The following HELT variants were observed in gnomAD, a reference collection of about 807,000 sequenced individuals.
HELT encodes helt bHLH transcription factor, also known as hairy and enhancer of split-related protein HELT.
Under a neutral mutation model 19.5 loss-of-function variants are expected in HELT, and 9 were observed. The ratio of observed to expected loss-of-function variants is 0.46; its 90% CI spans 0.28 to 0.80. The LOEUF (loss-of-function observed/expected upper bound fraction) is 0.80, where lower values mean the gene tolerates loss of function less well. HELT is among the 30% of genes least tolerant of loss of function. HELT has a pLI of 0.12. For synonymous variants in HELT, 162 were observed against 148.3 expected, an observed-to-expected ratio of 1.09 and a Z score of -0.67; for missense variants, 366 against 326.3, an observed-to-expected ratio of 1.12 and a Z score of -0.94.
At chr4:185,020,021 G>A (rs1459178213) in intron 3 of HELT, among the ~76,000 whole-genome samples, 178 bp downstream of exon 3, 1 of 149,928 alleles carries the variant, frequency 6.7e-6, no homozygotes, top group East Asian at 2.0e-4. Context: ...AGGCGGCGAG[G>A]GAGAACTGGT....
chr4:185,019,294 G>C (rs1733985926), intron 1 of HELT, 93 bp from the exon 2 acceptor site: 1 of 1,192,868 alleles, frequency 8.4e-7, no homozygotes, highest in Non-Finnish European at 1.2e-6. Context: ...AGTGTGCGCG[G>C]CTGGAGAGGC....
Position 185,019,440 on chromosome 4 carries a change from C to G in HELT, c.81C>G (p.Asn27Lys). ...AAAAGCGGAGGAGGGACAGGATCAA[C>G]CGCTGCTTGAACGAGCTGGGCAAGA... ...VIEKRRRDRI[N>K]RCLNELGKTV... Residue 27 changes from asparagine to lysine, a missense_variant, in exon 2 of 4, where the codon AAC (asparagine) becomes AAG (lysine). Transcript: ENST00000515777. 1 of 1,613,340 alleles carries G rather than the reference C, an allele frequency of 6.2e-7. No homozygotes were observed. Among genetic ancestry groups the G allele is most frequent in the South Asian group, 1.1e-5 (1 of 90,918 alleles).
At chr4:185,019,318 C>A in intron 1 of HELT, 69 bp from the exon 2 acceptor site, 2 of 1,347,070 alleles carry the variant, frequency 1.5e-6, no homozygotes, top group Non-Finnish European at 2.1e-6. Context: ...TTGCACCCAG[C>A]TGCTAGAGCC....
intron 3 of HELT, 136 bp from the exon 4 acceptor site, chr4:185,020,137 G>T (rs1734024899): frequency 4.6e-6 from 6 of 1,292,806 alleles, no homozygotes; most frequent in Non-Finnish European, 6.5e-6. Flanking sequence ...CTAAGACTGC[G>T]CAGAGGAGAG....
At chr4:185,020,217 C>T (rs1734029463) in intron 3 of HELT, 56 bp from the exon 4 acceptor site, 3 of 1,575,352 alleles carry the variant, frequency 1.9e-6, no homozygotes, top group African/African-American at 1.3e-5. Flanking sequence ...TTTGGGCTCG[C>T]GTGGGGAAGG....
rs1239961567 is a variant in HELT, at chr4:185,019,446, C to T, written c.87C>T (p.Cys29=). 6.2e-7 allele frequency: 1 copy of T among 1,613,068 alleles called. No individual in the cohort carries two copies. The highest frequency in any genetic ancestry group is 2.2e-5 in the East Asian group (1 of 44,832). Residue 29 remains cysteine, a synonymous_variant, in exon 2 of 4, where the codon TGC becomes TGT. Transcript: ENST00000515777. ...GGAGGAGGGACAGGATCAACCGCTG[C>T]TTGAACGAGCTGGGCAAGACAGTGC... The part of the protein sequence containing the change: ...EKRRRDRINR[C]LNELGKTVPM...
intron 3 of HELT, 40 bp from the exon 4 acceptor site, chr4:185,020,233 T>G: frequency 3.1e-6 from 5 of 1,591,190 alleles, no homozygotes; most frequent in South Asian, 1.1e-5. Context: ...GAAGGGGCAC[T>G]CAGGGTGTGT....
Position 185,020,761 on chromosome 4 carries a change from C to T in HELT, c.718C>T (p.Pro240Ser), listed in dbSNP as rs1734057053. Residue 240 changes from proline (P) to serine (S), a missense_variant, in exon 4 of 4, where the codon CCG (proline) becomes TCG (serine). Physicochemically the swap from Pro to Ser is moderately conservative, Grantham distance 74. Transcript: ENST00000515777. ...ALNLHTPQHP[P>S]VL is the part of the protein sequence containing the mutation. ...TAACCTGCACACGCCCCAGCACCCC[C>T]CGGTGCTCTGACGCCCACTCGCCCG... 1.3e-6 allele frequency: 2 copies of T among 1,528,298 alleles called. No homozygotes were observed. The highest frequency in any genetic ancestry group is 1.4e-5 in the African/African-American group (1 of 71,248). 94.7% of individuals were successfully genotyped at this position (1,528,298 alleles called of 1,614,324 possible).
At position 185,020,952 on chromosome 4, in the gene HELT, A is replaced by C; in HGVS notation, c.*180A>C. 1.3e-6 allele frequency: 1 copy of C among 761,476 alleles called. No individual in the cohort carries two copies. Among genetic ancestry groups the C allele is most frequent in the Non-Finnish European group, 1.9e-6 (1 of 525,548 alleles). 47.2% of individuals were successfully genotyped at this position (761,476 alleles called of 1,614,324 possible). A position where few individuals can be genotyped will look rare whatever the true frequency, so the allele number is the denominator to read the frequency against. The stretch of plus-strand genomic sequence containing the variant: ...ATAAACGTTTTCTGATAAAGACCCA[A>C]AGAGAGGGATTTATGTATTACCTTC... On this transcript the variant is annotated 3_prime_UTR_variant, in exon 4 of 4. Coordinates refer to ENST00000515777, the MANE Select transcript of HELT (RefSeq NM_001300781.2).
rs376623238 is a variant in HELT, at chr4:185,020,620, A to G, written c.577A>G (p.Ser193Gly). The change falls in exon 4 of 4, where the codon AGC (serine) becomes GGC (glycine). Residue 193 changes from serine to glycine, a missense_variant. By Grantham distance (56) the Ser-to-Gly change is moderately conservative. Coordinates refer to ENST00000515777, the MANE Select transcript of HELT (RefSeq NM_001300781.2). Reference protein sequence around the residue: ...ARSPALPYLPSAPVPLASPAQ... With the variant: ...ARSPALPYLPGAPVPLASPAQ... Reference sequence around the variant, plus strand: ...CAGCCCCGCGCTGCCCTACCTGCCCAGCGCGCCAGTGCCGCTCGCTAGCCC... The same window carrying G: ...CAGCCCCGCGCTGCCCTACCTGCCCGGCGCGCCAGTGCCGCTCGCTAGCCC... 1.9e-6 allele frequency: 3 copies of G among 1,601,652 alleles called. No individual in the cohort carries two copies. The African/African-American group carries it at 4.0e-5, about 21-fold the overall frequency.
rs1413389708 is a variant in HELT, at chr4:185,018,840, T to G, written c.-89T>G. The G allele has an allele frequency of 7.2e-7, 1 of 1,393,376 alleles. No homozygotes were observed. Among genetic ancestry groups the G allele is most frequent in the Non-Finnish European group, 9.8e-7 (1 of 1,024,376 alleles). 86.3% of individuals were successfully genotyped at this position (1,393,376 alleles called of 1,614,324 possible). ...CCCTCGGAGTTGGGAGGCTGCAGTC[T>G]ACCTGGGACACTCGAGGAGGCACAC... is the stretch of plus-strand genomic sequence containing the variant. On this transcript the variant is annotated 5_prime_UTR_variant, in exon 1 of 4. Transcript: ENST00000515777.
At position 185,019,952 on chromosome 4, in the gene HELT, T is replaced by C. The variant is rs1276307840; in HGVS notation, c.229+109T>C. ...GTGTTCCCGAGAGCTCTACTAGAGCTCCACTCTCCAGGAGGGCAGGGGTCC... is the reference window on the plus strand; with the variant it reads ...GTGTTCCCGAGAGCTCTACTAGAGCCCCACTCTCCAGGAGGGCAGGGGTCC... On this transcript the variant is annotated intron_variant, in intron 3 of 3. Coordinates refer to ENST00000515777, the MANE Select transcript of HELT (RefSeq NM_001300781.2). 1.9e-5 allele frequency: 20 copies of C among 1,036,754 alleles called. No homozygotes were observed. The Admixed American group carries it at 3.2e-4, about 17-fold the overall frequency. The allele number at this position is 1,036,754 out of a possible 1,614,324, so 64.2% of individuals were successfully genotyped here. A position where few individuals can be genotyped will look rare whatever the true frequency, so the allele number is the denominator to read the frequency against.
rs776403096 is a variant in HELT, at chr4:185,020,651, A to C, written c.608A>C (p.Gln203Pro). The change falls in exon 4 of 4, where the codon CAG becomes CCG. Residue 203 changes from glutamine to proline, a missense_variant. By Grantham distance (76) the Gln-to-Pro change is moderately conservative. Coordinates refer to ENST00000515777, the MANE Select transcript of HELT (RefSeq NM_001300781.2). ...CCAGTGCCGCTCGCTAGCCCAGCGC[A>C]GCAGCACAGCCCCTTCCTGACACCG... ...SAPVPLASPA[Q>P]QHSPFLTPVQ... 2 of 1,604,380 alleles carry C rather than the reference A, an allele frequency of 1.2e-6. No homozygotes were observed. Among genetic ancestry groups the C allele is most frequent in the African/African-American group, 1.3e-5 (1 of 74,842 alleles).
intron 1 of HELT, chr4:185,019,166 C>T: frequency 2.0e-6 from 3 of 1,499,348 alleles, no homozygotes; most frequent in Non-Finnish European, 2.7e-6. Flanking sequence ...CGGCCACCTC[C>T]CCAAAGGCCT....
Position 185,020,702 on chromosome 4 carries a change from T to C in HELT, c.659T>C (p.Leu220Pro). The change falls in exon 4 of 4, where the codon CTC (leucine) becomes CCC (proline). Residue 220 changes from leucine (L) to proline (P), a missense_variant. Leu to Pro is a moderately conservative substitution (Grantham distance 98). Transcript: ENST00000515777. ...GTGCAGGGCCTGGACCGGCATTACC[T>C]CAACCTGATCGGCCACGCGCACCCC... is the stretch of plus-strand genomic sequence containing the variant. ...TPVQGLDRHY[L>P]NLIGHAHPNA... 2.5e-6 allele frequency: 4 copies of C among 1,600,250 alleles called. No individual in the cohort carries two copies. The highest frequency in any genetic ancestry group is 2.5e-6 in the Non-Finnish European group (3 of 1,177,774).
In HELT at chr4:185,019,396, G is replaced by C; in HGVS notation, c.37G>C (p.Val13Leu). ...DKLKERKRTP[V>L]SHKVIEKRRR... ...AACCCTCTCTTCGCAGAGAACCCCCGTTTCTCATAAAGTGATAGAAAAGCG... is the reference window on the plus strand; with the variant it reads ...AACCCTCTCTTCGCAGAGAACCCCCCTTTCTCATAAAGTGATAGAAAAGCG... The change falls in exon 2 of 4, where the codon GTT (valine) becomes CTT (leucine). Residue 13 changes from valine to leucine, a missense_variant. Coordinates refer to ENST00000515777, the MANE Select transcript of HELT (RefSeq NM_001300781.2). The C allele has an allele frequency of 6.2e-7, 1 of 1,611,702 alleles. No homozygotes were observed. Among genetic ancestry groups the C allele is most frequent in the Non-Finnish European group, 8.5e-7 (1 of 1,178,804 alleles).
At position 185,019,848 on chromosome 4, in the gene HELT, G is replaced by T. The variant is rs1351153298; in HGVS notation, c.229+5G>T. ...TTCCCCGGGGAAGGGAAAAAGGTGG[G>T]CACAGGTTAGGGAATGGGACGCCTG... On this transcript the variant is annotated splice_donor_5th_base_variant and intron_variant, in intron 3 of 3. Transcript: ENST00000515777. 1 of 1,612,034 alleles carries T rather than the reference G, an allele frequency of 6.2e-7. No individual in the cohort carries two copies. The highest frequency in any genetic ancestry group is 2.2e-5 in the East Asian group (1 of 44,878).
In HELT at chr4:185,020,252, C is replaced by T. The variant is rs376244637; in HGVS notation, c.230-21C>T. 6.8e-6 allele frequency: 11 copies of T among 1,606,132 alleles called. No homozygotes were observed. The African/African-American group carries it at 1.2e-4, about 18-fold the overall frequency. On this transcript the variant is annotated intron_variant, in intron 3 of 3. Transcript: ENST00000515777. Reference sequence around the variant, plus strand: ...GGGCACTCAGGGTGTGTCCGTCCTACGGGCTTTCTCGTTCCTCCAGCAGAA... The same window carrying T: ...GGGCACTCAGGGTGTGTCCGTCCTATGGGCTTTCTCGTTCCTCCAGCAGAA...
chr4:185,019,927 G>A, intron 3 of HELT, 84 bp downstream of exon 3: 2 of 1,245,136 alleles, frequency 1.6e-6, no homozygotes. Context: ...GAGTGACTGA[G>A]TGTTCCCGAG....
Sources: allele counts gnomAD v4.1 joint callset (sites outside exome capture counted in the v4.1 genomes callset), GRCh38; gene constraint gnomAD v4.1.1; transcripts MANE v1.5; gene names NCBI Gene and HGNC (gene_info 2026-07-23, HGNC 2026-07-21).